Variants in GC observed in about 807,000 individuals in gnomAD.
GC encodes GC vitamin D binding protein, also known as vitamin D-binding protein.
Under a neutral mutation model 56.7 loss-of-function variants are expected in GC, and 43 were observed. That is an observed-to-expected ratio of 0.76 (90% CI 0.59 to 0.98). The LOEUF (loss-of-function observed/expected upper bound fraction) is 0.98, where lower values mean the gene tolerates loss of function less well. Among genes scored for constraint, GC ranks in the 50% least tolerant of loss-of-function variants. The pLI, the probability that GC is intolerant of heterozygous loss-of-function variation, is 0.00. For synonymous variants in GC, 216 were observed against 202.7 expected (o/e 1.07, Z -0.56); for missense variants, 529 against 545.9 (o/e 0.97, Z 0.31).
At chr4:71,768,055 T>A (rs16846971) in intron 3 of GC, among the ~76,000 whole-genome samples, 8,258 of 152,228 alleles carry the variant, frequency 0.054, 598 homozygotes, top group East Asian at 0.16. Context: ...GCTAGCAATG[T>A]ACATTTAATA....
intron 1 of GC, among the ~76,000 whole-genome samples, chr4:71,801,402 T>C (rs1743245323): frequency 6.6e-6 from 1 of 152,194 alleles, no homozygotes; most frequent in South Asian, 2.1e-4. Context: ...CAAATTCCAC[T>C]GGTTTTGCTG....
chr4:71,797,535 G>T (rs180836411), intron 1 of GC, among the ~76,000 whole-genome samples: 26 of 152,362 alleles, frequency 1.7e-4, no homozygotes, highest in African/African-American at 6.0e-4. Flanking sequence ...TGGTTGCTGA[G>T]ACTGAGGGAA....
At chr4:71,797,822 C>T (rs1235725244) in intron 1 of GC, among the ~76,000 whole-genome samples, 1 of 152,226 alleles carries the variant, frequency 6.6e-6, no homozygotes, top group East Asian at 1.9e-4. Context: ...ATATGATTCT[C>T]TTTATATCTG....
chr4:71,758,152 GGGCTAACTTTATGAGATT>G lies in GC; in HGVS notation c.703_720del (p.Asn235_Ala240del). 1 of 1,612,936 alleles carries G rather than the reference GGGCTAACTTTATGAGATT, an allele frequency of 6.2e-7. No homozygotes were observed. The highest frequency in any genetic ancestry group is 8.5e-7 in the Non-Finnish European group (1 of 1,179,176). ...TCCAGATCAGCAGTAGGCACTTTTT[GGGCTAACTTTATGAGATT>G]GCTAAACAGTTAAAAATAAATATGT... On this transcript the variant is annotated inframe_deletion and splice_region_variant, in exon 7 of 13. Transcript: ENST00000273951.
chr4:71,754,182 G>A (rs1377902604), intron 10 of GC, among the ~76,000 whole-genome samples: 1 of 152,084 alleles, frequency 6.6e-6, no homozygotes, highest in Admixed American at 6.6e-5. Context: ...GTATCCAATA[G>A]GGAATTCCTT....
At chr4:71,785,106 C>T (rs146069486), upstream of GC, among the ~76,000 whole-genome samples, 1 of 151,696 alleles carries the variant, frequency 6.6e-6, no homozygotes, top group Non-Finnish European at 1.5e-5. Context: ...TTTATTTTAC[C>T]CCTCTAAGTT....
intron 8 of GC, among the ~76,000 whole-genome samples, chr4:71,755,331 T>G (rs1239857166): frequency 6.6e-6 from 1 of 151,604 alleles, no homozygotes; most frequent in African/African-American, 2.4e-5. Flanking sequence ...CCCGGCTAAG[T>G]TTTGTATTTT....
At chr4:71,746,817 G>A (rs536342968) in intron 11 of GC, among the ~76,000 whole-genome samples, 10 of 143,908 alleles carry the variant, frequency 6.9e-5, no homozygotes, top group African/African-American at 2.3e-4. Flanking sequence ...TGGAGGCAAT[G>A]AGAGCTATTA....
intron 1 of GC, among the ~76,000 whole-genome samples, chr4:71,801,181 T>A (rs1182114778): frequency 6.6e-6 from 1 of 152,186 alleles, no homozygotes; most frequent in East Asian, 1.9e-4. Flanking sequence ...TCTGAATAGA[T>A]ATTTCTCTAG....
chr4:71,781,986 G>A (rs1742695287), intron 1 of GC, among the ~76,000 whole-genome samples: 1 of 151,782 alleles, frequency 6.6e-6, no homozygotes, highest in South Asian at 2.1e-4. Context: ...GATACTCTGA[G>A]TTAGATAAGA....
chr4:71,751,905 T>C (rs1490871480), intron 11 of GC, among the ~76,000 whole-genome samples: 2 of 152,170 alleles, frequency 1.3e-5, no homozygotes, highest in South Asian at 2.1e-4. Context: ...ATAACTCTTA[T>C]AGTAATGAAA....
chr4:71,786,014 G>A (rs533051353), upstream of GC: 8 of 151,864 alleles, frequency 5.3e-5, no homozygotes, highest in African/African-American at 1.9e-4. Context: ...TTTTGATACA[G>A]AGTTTAAGAC....
intron 11 of GC, among the ~76,000 whole-genome samples, chr4:71,750,106 A>T (rs931550372): frequency 6.6e-6 from 1 of 152,220 alleles, no homozygotes; most frequent in African/African-American, 2.4e-5. Context: ...TTTGGAATGC[A>T]TAGCCCAAGA....
intron 1 of GC, among the ~76,000 whole-genome samples, chr4:71,774,416 T>C (rs1324352054): frequency 6.6e-6 from 1 of 151,940 alleles, no homozygotes; most frequent in Non-Finnish European, 1.5e-5. Context: ...AGAGGAAGCA[T>C]TTTTTCTCCA....
At chr4:71,773,726 C>T (rs988218303) in intron 1 of GC, among the ~76,000 whole-genome samples, 24 of 151,928 alleles carry the variant, frequency 1.6e-4, no homozygotes, top group Non-Finnish European at 1.3e-4. Flanking sequence ...AATAAGTGCT[C>T]GTACAGGATG....
chr4:71,759,366 T>C (rs1355262885), intron 6 of GC, among the ~76,000 whole-genome samples: 1 of 152,214 alleles, frequency 6.6e-6, no homozygotes, highest in Non-Finnish European at 1.5e-5. Context: ...CCATACTGTT[T>C]TCCATAATGA....
At chr4:71,781,791 C>G (rs1742688821) in intron 1 of GC, among the ~76,000 whole-genome samples, 1 of 151,768 alleles carries the variant, frequency 6.6e-6, no homozygotes, top group Non-Finnish European at 1.5e-5. Flanking sequence ...TTGGTAAGCT[C>G]TCTTCTCCAA....
chr4:71,770,256 G>A (rs575720285), intron 1 of GC, among the ~76,000 whole-genome samples: 1 of 152,250 alleles, frequency 6.6e-6, no homozygotes, highest in South Asian at 2.1e-4. Flanking sequence ...CAGACCTGAT[G>A]TAGCTCAAGC....
intron 1 of GC, among the ~76,000 whole-genome samples, chr4:71,773,284 A>G (rs1046010859): frequency 6.6e-6 from 1 of 152,098 alleles, no homozygotes; most frequent in Non-Finnish European, 1.5e-5. Flanking sequence ...TTTCTGCAAT[A>G]GCATGTTTCA....
Sources: allele counts gnomAD v4.1 joint callset (sites outside exome capture counted in the v4.1 genomes callset), GRCh38; gene constraint gnomAD v4.1.1; transcripts MANE v1.5; gene names NCBI Gene and HGNC (gene_info 2026-07-23, HGNC 2026-07-21).